Variants in ICE2 observed in about 807,000 individuals in gnomAD.
ICE2 encodes little elongation complex subunit 2.
In ICE2, 87 loss-of-function variants were observed where a neutral mutation model predicts 105.4. The ratio of observed to expected loss-of-function variants is 0.83; its 90% CI spans 0.69 to 0.99. The LOEUF (loss-of-function observed/expected upper bound fraction) is 0.99, where lower values mean the gene tolerates loss of function less well. ICE2 is among the 50% of genes least tolerant of loss of function. The pLI is 0.00. For synonymous variants in ICE2, 399 were observed against 392.0 expected, an observed-to-expected ratio of 1.02 and a Z score of -0.21; for missense variants, 1,323 against 1,146.7, an observed-to-expected ratio of 1.15 and a Z score of -2.22.
At position 60,455,504 on chromosome 15, in the gene ICE2, T is replaced by C. The variant is rs1595790177; in HGVS notation, c.667-62A>G. On this transcript the variant is annotated intron_variant, in intron 6 of 15. Transcript: ENST00000261520. ...CGCAATGTATTTTTTCTAAGAAAAG[T>C]ATCTTTCATCATATGAAACTCTTAA... The C allele has an allele frequency of 3.8e-6, 4 of 1,054,664 alleles. No homozygotes were observed. The East Asian group carries it at 9.6e-5, about 25-fold the overall frequency. 65.3% of individuals were successfully genotyped at this position (1,054,664 alleles called of 1,614,324 possible).
chr15:60,433,479 TCTCC>T (rs2063508868), intron 13 of ICE2, among the ~76,000 whole-genome samples: 1 of 151,992 alleles, frequency 6.6e-6, no homozygotes, highest in South Asian at 2.1e-4. Context: ...TCTCTCTCTC[TCTCC>T]CTCCCTCTCT....
At chr15:60,444,905 G>C (rs1054625868) in intron 11 of ICE2, among the ~76,000 whole-genome samples, 1 of 152,038 alleles carries the variant, frequency 6.6e-6, no homozygotes, top group Non-Finnish European at 1.5e-5. Flanking sequence ...GGCTGGTCTC[G>C]AACTCCTGAG....
chr15:60,453,846 A>T, intron 8 of ICE2, 62 bp from the exon 9 acceptor site: 1 of 1,312,636 alleles, frequency 7.6e-7, no homozygotes, highest in Non-Finnish European at 1.1e-6. Flanking sequence ...TTTTTTAAAA[A>T]CAGGATGTAT....
At chr15:60,436,534 G>A (rs1030313424) in intron 12 of ICE2, among the ~76,000 whole-genome samples, 1 of 151,638 alleles carries the variant, frequency 6.6e-6, no homozygotes, top group African/African-American at 2.4e-5. Flanking sequence ...TAAAATACTG[G>A]TGTTTCTAAT....
chr15:60,470,481 G>C (rs967424699), intron 3 of ICE2, among the ~76,000 whole-genome samples: 2 of 152,020 alleles, frequency 1.3e-5, no homozygotes, highest in Non-Finnish European at 2.9e-5. Flanking sequence ...ATTCAGAAGG[G>C]GGAATACTAA....
chr15:60,428,644 A>C lies in ICE2; in HGVS notation c.2605T>G (p.Ser869Ala). ...SYLLSHAAED[S>A]SLLIYKASDG... is the part of the protein sequence containing the mutation. ...GAGGCCTTATAAATCAGGAGTGAAG[A>C]ATCTTCTGCTGCATGAGATAACAAG... The change falls in exon 15 of 16, where the codon TCT (serine) becomes GCT (alanine). Residue 869 changes from serine (S) to alanine (A), a missense_variant. Transcript: ENST00000261520. 1 of 1,614,090 alleles carries C rather than the reference A, an allele frequency of 6.2e-7. No individual in the cohort carries two copies. The highest frequency in any genetic ancestry group is 1.1e-5 in the South Asian group (1 of 91,072).
chr15:60,455,743 G>C (rs556902596), intron 6 of ICE2, among the ~76,000 whole-genome samples: 9 of 151,826 alleles, frequency 5.9e-5, no homozygotes, highest in African/African-American at 1.9e-4. Context: ...TCAGCCTCAC[G>C]AATAGCTGGG....
rs769641639 is a variant in ICE2, at chr15:60,449,593, C to G, written c.1374G>C (p.Gln458His). ...DISANSRSLS[Q>H]ILMEQLQKEK... ...CCTTTTGCAATTGTTCCATCAGAAT[C>G]TGAGATAAACTTCTAGAATTAGCAG... The change falls in exon 10 of 16, where the codon CAG (glutamine) becomes CAC (histidine). Residue 458 changes from glutamine to histidine, a missense_variant. By Grantham distance (24) the Gln-to-His change is conservative. Transcript: ENST00000261520. 6.2e-7 allele frequency: 1 copy of G among 1,614,146 alleles called. No individual in the cohort carries two copies. Among genetic ancestry groups the G allele is most frequent in the Admixed American group, 1.7e-5 (1 of 60,018 alleles).
In ICE2 at chr15:60,458,325, A is replaced by G. The variant is rs138940889; in HGVS notation, c.529-1531T>C. Among the ~76,000 whole-genome samples the G allele has an allele frequency of 3.3e-5, 5 of 152,328 alleles. No homozygotes were observed. The East Asian group carries it at 9.6e-4, about 29-fold the overall frequency. ...GCTATTAGTATTTAATACTCAAAAT[A>G]TCTTGAGAATTAAATACACCAAAAG... is the stretch of plus-strand genomic sequence containing the variant. On this transcript the variant is annotated intron_variant, in intron 5 of 15. Coordinates refer to ENST00000261520, the MANE Select transcript of ICE2 (RefSeq NM_024611.6).
chr15:60,465,710 GTATA>G (rs1249932185), intron 5 of ICE2, among the ~76,000 whole-genome samples: 1 of 147,754 alleles, frequency 6.8e-6, no homozygotes, highest in Non-Finnish European at 1.5e-5. Flanking sequence ...ATGTGTGTGT[GTATA>G]TATATATAGT....
intron 3 of ICE2, 85 bp from the exon 4 acceptor site, chr15:60,468,407 G>C (rs1438604928): frequency 1.9e-6 from 2 of 1,058,954 alleles, no homozygotes; most frequent in African/African-American, 3.2e-5. Context: ...AATCACCAGG[G>C]AGAATATAGC....
chr15:60,476,443 A>C (rs2141179662), intron 2 of ICE2, among the ~76,000 whole-genome samples: 1 of 152,334 alleles, frequency 6.6e-6, no homozygotes, highest in Middle Eastern at 3.4e-3. Context: ...AATGTCACAG[A>C]GACTGGAAAG....
intron 3 of ICE2, among the ~76,000 whole-genome samples, chr15:60,473,270 G>C (rs1396022831): frequency 6.6e-6 from 1 of 151,770 alleles, no homozygotes; most frequent in Non-Finnish European, 1.5e-5. Flanking sequence ...GTGTGTGAGT[G>C]AGTGAGTGAG....
At chr15:60,461,870 T>G (rs1396596258) in intron 5 of ICE2, among the ~76,000 whole-genome samples, 1 of 151,930 alleles carries the variant, frequency 6.6e-6, no homozygotes, top group Non-Finnish European at 1.5e-5. Context: ...GGGCAGGAAG[T>G]GTACAAAATG....
At chr15:60,477,313 A>T (rs1462677655) in intron 2 of ICE2, among the ~76,000 whole-genome samples, 4 of 152,336 alleles carry the variant, frequency 2.6e-5, no homozygotes, top group Non-Finnish European at 5.9e-5. Context: ...AGCAATAAAC[A>T]AATACTCAAT....
chr15:60,468,381 G>T, intron 3 of ICE2, 59 bp from the exon 4 acceptor site: 1 of 1,280,648 alleles, frequency 7.8e-7, no homozygotes, highest in Non-Finnish European at 1.1e-6. Context: ...TACTATCATG[G>T]AACTTCATGA....
chr15:60,477,110 C>T (rs2064783281), intron 2 of ICE2, among the ~76,000 whole-genome samples: 3 of 152,096 alleles, frequency 2.0e-5, no homozygotes, highest in African/African-American at 7.2e-5. Context: ...GGCATTTATC[C>T]AAAAAACTAT....
Position 60,478,059 on chromosome 15 carries a change from A to G in ICE2, c.-82T>C. The G allele has an allele frequency of 7.7e-7, 1 of 1,294,908 alleles. No individual in the cohort carries two copies. Among genetic ancestry groups the G allele is most frequent in the Non-Finnish European group, 1.1e-6 (1 of 891,078 alleles). 80.2% of individuals were successfully genotyped at this position (1,294,908 alleles called of 1,614,324 possible). The stretch of plus-strand genomic sequence containing the variant: ...GCTCCAAGAGGCAGGATCCCTCCAG[A>G]ACTTACTCAGCTGAGTAAAAACAAA... On this transcript the variant is annotated 5_prime_UTR_variant, in exon 2 of 16. Transcript: ENST00000261520.
At chr15:60,469,112 C>G (rs1376476306) in intron 3 of ICE2, among the ~76,000 whole-genome samples, 1 of 152,168 alleles carries the variant, frequency 6.6e-6, no homozygotes, top group Non-Finnish European at 1.5e-5. Context: ...GAATACTATG[C>G]AGCCATAAAA....
Sources: gnomAD v4.1 joint callset for allele counts (sites outside exome capture counted in the v4.1 genomes callset) on GRCh38, gnomAD v4.1.1 for gene constraint, MANE v1.5 for transcripts, NCBI Gene and HGNC (gene_info 2026-07-23, HGNC 2026-07-21) for gene names.